Variants in HACE1 observed in about 807,000 individuals in gnomAD.
HACE1 encodes the protein E3 ubiquitin-protein ligase HACE1.
HACE1 carries 73 observed loss-of-function variants against 118.4 expected under a neutral mutation model. The ratio of observed to expected loss-of-function variants is 0.62; its 90% CI spans 0.51 to 0.75. HACE1 has a LOEUF of 0.75. Ranked by LOEUF, HACE1 falls within the 30% of genes least tolerant of loss-of-function variation. The pLI is 0.00. For synonymous variants in HACE1, 368 were observed against 374.8 expected (o/e 0.98, Z 0.21); for missense variants, 749 against 1,102.2 (o/e 0.68, Z 4.54).
intron 6 of HACE1, among the ~76,000 whole-genome samples, chr6:104,829,965 T>C (rs1450606758): frequency 6.6e-6 from 1 of 152,246 alleles, no homozygotes; most frequent in Non-Finnish European, 1.5e-5. Context: ...AAATTTTTAA[T>C]GCAGCCTGTA....
At chr6:104,766,355 G>T (rs2114678575) in intron 19 of HACE1, among the ~76,000 whole-genome samples, 1 of 152,190 alleles carries the variant, frequency 6.6e-6, no homozygotes, top group African/African-American at 2.4e-5. Context: ...GTGCCCCCTG[G>T]TCATATGAGA....
chr6:104,835,086 C>T (rs1019767153), intron 5 of HACE1, among the ~76,000 whole-genome samples: 2 of 152,202 alleles, frequency 1.3e-5, no homozygotes, highest in Non-Finnish European at 2.9e-5. Flanking sequence ...ATCTTCCGGG[C>T]AGTTGGAAGA....
At chr6:104,759,418 T>C (rs1351505352) in intron 19 of HACE1, among the ~76,000 whole-genome samples, 1 of 152,148 alleles carries the variant, frequency 6.6e-6, no homozygotes, top group Non-Finnish European at 1.5e-5. Context: ...CTCAACTAAA[T>C]GGAAACTGAA....
intron 14 of HACE1, among the ~76,000 whole-genome samples, chr6:104,778,468 C>T (rs1024881946): frequency 1.3e-5 from 2 of 151,762 alleles, no homozygotes; most frequent in East Asian, 1.9e-4. Context: ...GAAGCCAATC[C>T]GAGAGATACT....
intron 1 of HACE1, among the ~76,000 whole-genome samples, chr6:104,853,227 T>G (rs1270520831): frequency 6.6e-6 from 1 of 152,230 alleles, no homozygotes; most frequent in Admixed American, 6.5e-5. Context: ...GGTGCCACAC[T>G]GTTGGACTTC....
chr6:104,778,482 T>A (rs1266990757), intron 14 of HACE1, among the ~76,000 whole-genome samples: 1 of 152,034 alleles, frequency 6.6e-6, no homozygotes, highest in Non-Finnish European at 1.5e-5. Context: ...AGATACTACT[T>A]CTTTGAATAA....
Position 104,785,004 on chromosome 6 carries a change from A to T in HACE1, c.1390T>A (p.Ser464Thr), listed in dbSNP as rs200229134. ...TCTTACCCCGGAGGCATCTGACAAG[A>T]ACAGCACATGTAAAAAGCTTGAATG... The part of the protein sequence containing the change: ...AVIQAFYMCC[S>T]CQMPPGMTSP... Residue 464 changes from serine (S) to threonine (T), a missense_variant, in exon 12 of 24, where the codon TCT (serine) becomes ACT (threonine). Physicochemically the swap from Ser to Thr is moderately conservative, Grantham distance 58. This residue lies in a region of HACE1 where 195 missense variants were observed against 322.1 expected (regional missense o/e 0.61). Coordinates refer to ENST00000262903, the MANE Select transcript of HACE1 (RefSeq NM_020771.4). The T allele has an allele frequency of 2.2e-4, 347 of 1,613,304 alleles. No homozygotes were observed. Among genetic ancestry groups the T allele is most frequent in the Admixed American group, 3.0e-4 (18 of 59,988 alleles).
intron 23 of HACE1, 35 bp from the exon 24 acceptor site, chr6:104,729,799 A>T (rs776443771): frequency 1.2e-5 from 11 of 897,658 alleles, no homozygotes; most frequent in Non-Finnish European, 2.1e-5. Context: ...TTAAACAGGA[A>T]ATCTATAAAA....
chr6:104,807,922 C>G (rs978888869), intron 7 of HACE1, among the ~76,000 whole-genome samples: 4 of 152,124 alleles, frequency 2.6e-5, no homozygotes, highest in Admixed American at 1.3e-4. Flanking sequence ...CACGGTGGCT[C>G]ACGTCTGTAA....
Position 104,851,111 on chromosome 6 carries a change from G to C in HACE1, c.132-115C>G, listed in dbSNP as rs993810438. 3 of 699,800 alleles carry C rather than the reference G, an allele frequency of 4.3e-6. No homozygotes were observed. The Admixed American group carries it at 5.9e-5, about 14-fold the overall frequency. The allele number at this position is 699,800 out of a possible 1,614,324, so 43.3% of individuals were successfully genotyped here. The stretch of plus-strand genomic sequence containing the variant: ...TGTTTGTTTGTTTGTTGAGACAAGA[G>C]TCTTGCTCTGTCACCAGGCTGGAGT... On this transcript the variant is annotated intron_variant, in intron 2 of 23. Coordinates refer to ENST00000262903, the MANE Select transcript of HACE1 (RefSeq NM_020771.4).
Position 104,742,183 on chromosome 6 carries a change from C to T in HACE1, c.2513+1977G>A, listed in dbSNP as rs1295718919. Among the ~76,000 whole-genome samples the T allele has an allele frequency of 6.8e-5, 9 of 132,094 alleles. 1 individual carries two copies. The highest frequency in any genetic ancestry group is 2.0e-4 in the African/African-American group (6 of 30,464). The allele number at this position is 132,094 out of a possible 152,430, so 86.7% of individuals were successfully genotyped here. A position where few individuals can be genotyped will look rare whatever the true frequency, so the allele number is the denominator to read the frequency against. ...ATTCAAGATGGATTAAAGACTTAAA[C>T]GTTAGACCTAAAACCATAAAAACAC... is the stretch of plus-strand genomic sequence containing the variant. On this transcript the variant is annotated intron_variant, in intron 22 of 23. Coordinates refer to ENST00000262903, the MANE Select transcript of HACE1 (RefSeq NM_020771.4).
chr6:104,826,368 A>G (rs1047869866), intron 6 of HACE1, among the ~76,000 whole-genome samples: 1 of 152,252 alleles, frequency 6.6e-6, no homozygotes, highest in South Asian at 2.1e-4. Context: ...AGATGTAAAT[A>G]AACAAAATCT....
At chr6:104,828,746 G>A (rs1399597467) in intron 6 of HACE1, among the ~76,000 whole-genome samples, 2 of 151,900 alleles carry the variant, frequency 1.3e-5, no homozygotes, top group Non-Finnish European at 2.9e-5. Context: ...GCATCTATAT[G>A]AAATCATATT....
At chr6:104,763,560 T>C (rs146228039) in intron 19 of HACE1, among the ~76,000 whole-genome samples, 7 of 151,972 alleles carry the variant, frequency 4.6e-5, no homozygotes, top group South Asian at 2.1e-4. Context: ...TAAGCAACCA[T>C]TTTCTTACAC....
intron 5 of HACE1, among the ~76,000 whole-genome samples, chr6:104,835,373 C>T (rs1009459540): frequency 5.3e-5 from 8 of 152,044 alleles, no homozygotes; most frequent in Non-Finnish European, 8.8e-5. Flanking sequence ...ATATTTAATA[C>T]TGTCAGAGGG....
intron 1 of HACE1, 95 bp downstream of exon 1, chr6:104,859,472 G>C: frequency 2.1e-6 from 2 of 945,494 alleles, no homozygotes; most frequent in East Asian, 3.1e-5. Flanking sequence ...TCAGCTTTCA[G>C]TTAGTTTTTC....
Position 104,729,651 on chromosome 6 carries a change from TC to T in HACE1, c.*10del. 1 of 1,269,642 alleles carries T rather than the reference TC, an allele frequency of 7.9e-7. No homozygotes were observed. Among genetic ancestry groups the T allele is most frequent in the Non-Finnish European group, 1.2e-6 (1 of 865,422 alleles). The allele number at this position is 1,269,642 out of a possible 1,614,324, so 78.6% of individuals were successfully genotyped here. On this transcript the variant is annotated 3_prime_UTR_variant, in exon 24 of 24. Coordinates refer to ENST00000262903, the MANE Select transcript of HACE1 (RefSeq NM_020771.4). Reference sequence around the variant, plus strand: ...TGTGCATCAGTAGTCAGAGGAGTTTTCCAGACTTCATTATGCCATTGTGTAA... The same window carrying T: ...TGTGCATCAGTAGTCAGAGGAGTTTTCAGACTTCATTATGCCATTGTGTAA...
At chr6:104,859,514 C>T in intron 1 of HACE1, 53 bp downstream of exon 1, 4 of 1,309,334 alleles carry the variant, frequency 3.1e-6, no homozygotes, top group Non-Finnish European at 3.1e-6. Context: ...GAGCTCCTGC[C>T]CCACTGGCCG....
chr6:104,789,628 G>A (rs975837318), intron 11 of HACE1, among the ~76,000 whole-genome samples: 1 of 152,002 alleles, frequency 6.6e-6, no homozygotes, highest in Non-Finnish European at 1.5e-5. Context: ...CACCTATAGA[G>A]AGGCTACTTA....
Sources: gnomAD v4.1 joint callset for allele counts (sites outside exome capture counted in the v4.1 genomes callset) on GRCh38, gnomAD v4.1.1 for gene constraint, gnomAD v4.1.1 regional missense constraint, MANE v1.5 for transcripts, NCBI Gene and HGNC (gene_info 2026-07-23, HGNC 2026-07-21) for gene names.